The following UBXN4 variants were observed in gnomAD, a reference collection of about 807,000 sequenced individuals.
The protein encoded by UBXN4 is UBX domain protein 4.
A neutral mutation model predicts 66.2 loss-of-function variants in UBXN4; 35 were observed. The ratio of observed to expected loss-of-function variants is 0.53; its 90% CI spans 0.40 to 0.70. The LOEUF (loss-of-function observed/expected upper bound fraction) is 0.70, where lower values mean the gene tolerates loss of function less well. Among genes scored for constraint, UBXN4 ranks in the 30% least tolerant of loss-of-function variants. UBXN4 has a pLI of 0.00. For synonymous variants in UBXN4, 203 were observed against 204.5 expected (o/e 0.99, Z 0.06); for missense variants, 533 against 599.8 (o/e 0.89, Z 1.16).
At chr2:135,754,336 T>G (rs545034004) in intron 4 of UBXN4, 59 bp downstream of exon 4, 5 of 1,391,924 alleles carry the variant, frequency 3.6e-6, no homozygotes, top group Non-Finnish European at 5.1e-6. Context: ...GGATTTTTTT[T>G]TTTGAGATGG....
intron 5 of UBXN4, among the ~76,000 whole-genome samples, chr2:135,757,347 T>G (rs896564576): frequency 6.6e-6 from 1 of 152,238 alleles, no homozygotes; most frequent in Non-Finnish European, 1.5e-5. Context: ...TTCTATTTCT[T>G]TCTCTCTTAT....
rs146481031 is a variant in UBXN4 at position 135,755,990 on chromosome 2, C to A, written c.508+299C>A. Among the ~76,000 whole-genome samples, 139 of 152,214 alleles carry A rather than the reference C, an allele frequency of 9.1e-4. 1 individual carries two copies. Among genetic ancestry groups the A allele is most frequent in the African/African-American group, 3.1e-3 (130 of 41,544 alleles). ...ACTGAGCAGTTTTATAAATCTCTTA[C>A]TAGCCTAGAGAATTTGGAAAGTTTC... On this transcript the variant is annotated intron_variant, in intron 5 of 12. Transcript: ENST00000272638.
intron 1 of UBXN4, among the ~76,000 whole-genome samples, chr2:135,744,051 G>T (rs1319948101): frequency 6.6e-6 from 1 of 152,154 alleles, no homozygotes; most frequent in Non-Finnish European, 1.5e-5. Flanking sequence ...TAATCCCCAA[G>T]ACTAAGTAGG....
At chr2:135,765,649 T>C (rs1559541393) in intron 6 of UBXN4, among the ~76,000 whole-genome samples, 2 of 138,702 alleles carry the variant, frequency 1.4e-5, no homozygotes, top group Non-Finnish European at 3.0e-5. Context: ...AATTTTTTTC[T>C]TTTTTTTTTT....
At chr2:135,747,853 T>C in intron 1 of UBXN4, 1 of 353,532 alleles carries the variant, frequency 2.8e-6, no homozygotes, top group East Asian at 7.8e-5. Flanking sequence ...ATTCCTGGCC[T>C]CAGGTGATCT....
Position 135,779,111 on chromosome 2 carries a change from CTTA to C in UBXN4, c.1185+35_1185+37del, listed in dbSNP as rs778492200. On this transcript the variant is annotated intron_variant, in intron 11 of 12. Coordinates refer to ENST00000272638, the MANE Select transcript of UBXN4 (RefSeq NM_014607.4). ...ATATACAGATGCATTTTTTTCTCTT[CTTA>C]TTGTTTTCTGTTTATCATACTCTTC... 1.2e-5 allele frequency: 18 copies of C among 1,542,514 alleles called. No individual in the cohort carries two copies. In the African/African-American group the frequency reaches 2.1e-4, roughly 18 times the overall value.
At chr2:135,742,345 C>T (rs896533383) in intron 1 of UBXN4, among the ~76,000 whole-genome samples, 1 of 152,194 alleles carries the variant, frequency 6.6e-6, no homozygotes, top group East Asian at 1.9e-4. Flanking sequence ...ACCGCTGCGT[C>T]TCCCGGCAGC....
At chr2:135,761,411 C>G (rs1301890354) in intron 5 of UBXN4, among the ~76,000 whole-genome samples, 2 of 115,358 alleles carry the variant, frequency 1.7e-5, no homozygotes, top group African/African-American at 3.1e-5. Context: ...TTAATTACAA[C>G]TAAAATTTGT....
chr2:135,769,434 T>C (rs944763791), intron 6 of UBXN4, among the ~76,000 whole-genome samples: 1 of 151,994 alleles, frequency 6.6e-6, no homozygotes, highest in African/African-American at 2.4e-5. Flanking sequence ...TTTAGTTTTA[T>C]ATAAGGAGTA....
chr2:135,782,833 T>A lies in UBXN4; in HGVS notation c.1473T>A (p.Asp491Glu). Reference sequence around the variant, plus strand: ...AAATTTATAGATTAAGGACTCAAGATGATGGTGAAGATGAAAACAACACTT... The same window carrying A: ...AAATTTATAGATTAAGGACTCAAGAAGATGGTGAAGATGAAAACAACACTT... ...EGKIYRLRTQ[D>E]DGEDENNTWN... Residue 491 changes from aspartate (D) to glutamate (E), a missense_variant, in exon 13 of 13, where the codon GAT becomes GAA. Around this residue, in one of 2 missense-constraint regions of UBXN4, gnomAD observed 529 missense variants for 580.1 expected, o/e 0.91. Coordinates refer to ENST00000272638, the MANE Select transcript of UBXN4 (RefSeq NM_014607.4). 6.2e-7 allele frequency: 1 copy of A among 1,613,926 alleles called. No homozygotes were observed. The highest frequency in any genetic ancestry group is 8.5e-7 in the Non-Finnish European group (1 of 1,179,910).
chr2:135,750,249 C>T (rs2105492619), intron 2 of UBXN4, among the ~76,000 whole-genome samples: 1 of 152,312 alleles, frequency 6.6e-6, no homozygotes, highest in East Asian at 1.9e-4. Context: ...GCTGTAGTTA[C>T]AGGCATGCTT....
Position 135,780,277 on chromosome 2 carries a change from GATTA to G in UBXN4, c.1285_1288del (p.Ile429AlafsTer15). 1 of 1,614,098 alleles carries G rather than the reference GATTA, an allele frequency of 6.2e-7. No individual in the cohort carries two copies. Among genetic ancestry groups the G allele is most frequent in the Non-Finnish European group, 8.5e-7 (1 of 1,180,026 alleles). On this transcript the variant is annotated frameshift_variant, in exon 12 of 13. Transcript: ENST00000272638. LOFTEE classifies it high-confidence loss of function. ...CTTTATCCATTCCTTGCCATCTGGA[GATTA>G]ATTAGCAATTTCTTGTTTAGTAATC...
intron 6 of UBXN4, among the ~76,000 whole-genome samples, chr2:135,764,117 C>T (rs1187914412): frequency 7.1e-6 from 1 of 141,038 alleles, no homozygotes; most frequent in Non-Finnish European, 1.6e-5. Flanking sequence ...GAGTGCTACT[C>T]CGTCTCAAAA....
chr2:135,769,903 C>A, intron 7 of UBXN4, 80 bp downstream of exon 7: 1 of 1,239,908 alleles, frequency 8.1e-7, no homozygotes, highest in African/African-American at 1.5e-5. Flanking sequence ...GTGTGGCAGG[C>A]CTAGGGTGAC....
At chr2:135,778,861 A>C in intron 10 of UBXN4, 87 bp from the exon 11 acceptor site, 1 of 1,336,804 alleles carries the variant, frequency 7.5e-7, no homozygotes, top group South Asian at 1.9e-5. Context: ...AATTAAGGCA[A>C]TGTTAATTAA....
chr2:135,764,831 T>C (rs2077337695), intron 6 of UBXN4, among the ~76,000 whole-genome samples: 1 of 149,026 alleles, frequency 6.7e-6, no homozygotes, highest in African/African-American at 2.5e-5. Context: ...TTTGTTTGTT[T>C]TTGAGATGAA....
chr2:135,747,158 C>T (rs146269820), intron 1 of UBXN4, among the ~76,000 whole-genome samples: 2,459 of 149,964 alleles, frequency 0.016, 60 homozygotes, highest in African/African-American at 0.057. Context: ...TTGTCCTGGC[C>T]AACATAGTGA....
intron 2 of UBXN4, among the ~76,000 whole-genome samples, chr2:135,749,056 T>C (rs1034114235): frequency 6.6e-6 from 1 of 150,958 alleles, no homozygotes; most frequent in Non-Finnish European, 1.5e-5. Flanking sequence ...AAAAAAAGAA[T>C]GTTTATGCTA....
intron 2 of UBXN4, among the ~76,000 whole-genome samples, chr2:135,753,082 G>A (rs2077255687): frequency 7.1e-6 from 1 of 141,608 alleles, no homozygotes; most frequent in Non-Finnish European, 1.5e-5. Context: ...GGAGTGCAAT[G>A]GTGCAATCTT....
Sources: gnomAD v4.1 joint callset for allele counts (sites outside exome capture counted in the v4.1 genomes callset) on GRCh38, gnomAD v4.1.1 for gene constraint, gnomAD v4.1.1 regional missense constraint, MANE v1.5 for transcripts, NCBI Gene and HGNC (gene_info 2026-07-23, HGNC 2026-07-21) for gene names.